Variants in BAZ1A observed in about 807,000 individuals in gnomAD.
BAZ1A encodes bromodomain adjacent to zinc finger domain 1A, also known as bromodomain adjacent to zinc finger domain protein 1A.
In BAZ1A, 50 loss-of-function variants were observed where a neutral mutation model predicts 185.2. The observed-to-expected ratio is 0.27, with a 90% CI of 0.22 to 0.34. The LOEUF (loss-of-function observed/expected upper bound fraction) is 0.34. Among genes scored for constraint, BAZ1A ranks in the 10% least tolerant of loss-of-function variants. The pLI is 1.00. For synonymous variants in BAZ1A, 571 were observed against 615.6 expected (o/e 0.93, Z 1.07); for missense variants, 1,356 against 1,839.9 (o/e 0.74, Z 4.81).
chr14:34,807,782 T>C (rs59697954), intron 5 of BAZ1A, among the ~76,000 whole-genome samples: 1 of 152,150 alleles, frequency 6.6e-6, no homozygotes, highest in Non-Finnish European at 1.5e-5. Flanking sequence ...AACAGCAATA[T>C]GCATTTGTTG....
At chr14:34,871,063 A>T (rs1208818558) in intron 2 of BAZ1A, among the ~76,000 whole-genome samples, 1 of 151,540 alleles carries the variant, frequency 6.6e-6, no homozygotes, top group Non-Finnish European at 1.5e-5. Flanking sequence ...CTACATGGCT[A>T]AAAAAAAAGT....
At position 34,795,732 on chromosome 14, in the gene BAZ1A, A is replaced by G; in HGVS notation, c.1162T>C (p.Tyr388His). The change falls in exon 10 of 27, where the codon TAT becomes CAT. Residue 388 changes from tyrosine (Y) to histidine (H), a missense_variant. Tyr to His is a moderately conservative substitution (Grantham distance 83, BLOSUM62 2). Coordinates refer to ENST00000360310, the MANE Select transcript of BAZ1A (RefSeq NM_013448.3). ...CTCCACTGTTTTAAGTATTCCACATACTTTCGCTTTTCTTCACGTAACTTC... is the reference window on the plus strand; with the variant it reads ...CTCCACTGTTTTAAGTATTCCACATGCTTTCGCTTTTCTTCACGTAACTTC... ...REKLREEKRK[Y>H]VEYLKQWSKP... The G allele has an allele frequency of 6.2e-7, 1 of 1,613,136 alleles. No homozygotes were observed. Among genetic ancestry groups the G allele is most frequent in the Non-Finnish European group, 8.5e-7 (1 of 1,179,792 alleles).
At chr14:34,850,551 T>A (rs2042581226) in intron 3 of BAZ1A, among the ~76,000 whole-genome samples, 1 of 152,202 alleles carries the variant, frequency 6.6e-6, no homozygotes, top group African/African-American at 2.4e-5. Context: ...TACTTTCCTA[T>A]CCAGTTTTAG....
intron 23 of BAZ1A, among the ~76,000 whole-genome samples, chr14:34,763,985 A>G (rs935864419): frequency 2.0e-5 from 3 of 152,106 alleles, no homozygotes; most frequent in African/African-American, 7.2e-5. Context: ...TCGGCCCTCA[A>G]CCGGAGGTTC....
At chr14:34,866,960 T>TAAA (rs1348920522) in intron 2 of BAZ1A, among the ~76,000 whole-genome samples, 1 of 74,202 alleles carries the variant, frequency 1.3e-5, no homozygotes, top group African/African-American at 3.8e-5. Context: ...ACATTCTTCT[T>TAAA]TAAAAAAAAA....
intron 16 of BAZ1A, among the ~76,000 whole-genome samples, chr14:34,780,545 G>T (rs1263076436): frequency 6.6e-6 from 1 of 152,154 alleles, no homozygotes; most frequent in African/African-American, 2.4e-5. Flanking sequence ...CAAGGAGAAT[G>T]AAACTGACTC....
intron 11 of BAZ1A, among the ~76,000 whole-genome samples, chr14:34,793,422 A>G (rs539559287): frequency 6.6e-6 from 1 of 152,226 alleles, no homozygotes; most frequent in African/African-American, 2.4e-5. Context: ...TCCTTGATCT[A>G]TAAGACACAA....
intron 3 of BAZ1A, chr14:34,828,866 A>G (rs929280011): frequency 1.3e-5 from 2 of 152,254 alleles, no homozygotes; most frequent in African/African-American, 4.8e-5. Context: ...AAGAACAAAA[A>G]CAATCCAATT....
At chr14:34,855,101 A>C (rs1352884829) in intron 3 of BAZ1A, among the ~76,000 whole-genome samples, 1 of 152,114 alleles carries the variant, frequency 6.6e-6, no homozygotes, top group Non-Finnish European at 1.5e-5. Context: ...TAATAATATA[A>C]TAATACCAAG....
intron 24 of BAZ1A, among the ~76,000 whole-genome samples, chr14:34,761,467 A>G (rs922517373): frequency 7.9e-5 from 12 of 152,230 alleles, no homozygotes; most frequent in African/African-American, 2.7e-4. Flanking sequence ...GAAATGTGTT[A>G]TAATGTAGTA....
intron 2 of BAZ1A, 79 bp from the exon 3 acceptor site, chr14:34,862,401 A>G: frequency 6.7e-7 from 1 of 1,492,004 alleles, no homozygotes; most frequent in Non-Finnish European, 8.9e-7. Flanking sequence ...TGATAGCATT[A>G]TCAGGTTATT....
chr14:34,788,001 A>G (rs904211568), intron 12 of BAZ1A, among the ~76,000 whole-genome samples: 3 of 151,642 alleles, frequency 2.0e-5, no homozygotes, highest in Non-Finnish European at 4.4e-5. Flanking sequence ...GAGACAAGTC[A>G]CTTAATCTGG....
chr14:34,814,223 T>C (rs1036467300), intron 4 of BAZ1A, among the ~76,000 whole-genome samples: 1 of 147,138 alleles, frequency 6.8e-6, no homozygotes, highest in African/African-American at 2.5e-5. Context: ...TAAGTTGTAC[T>C]TAAAATTATT....
chr14:34,825,741 C>T (rs1428651652), intron 4 of BAZ1A, among the ~76,000 whole-genome samples: 4 of 152,040 alleles, frequency 2.6e-5, no homozygotes, highest in African/African-American at 9.7e-5. Context: ...AGTTTGAGAC[C>T]AGCCTGGCCA....
At chr14:34,839,410 G>C (rs2042377620) in intron 3 of BAZ1A, among the ~76,000 whole-genome samples, 1 of 151,930 alleles carries the variant, frequency 6.6e-6, no homozygotes, top group Non-Finnish European at 1.5e-5. Flanking sequence ...ATGGTAGTGT[G>C]TGCCTGTAGT....
intron 12 of BAZ1A, among the ~76,000 whole-genome samples, chr14:34,788,704 C>A (rs1455816464): frequency 6.6e-6 from 1 of 152,064 alleles, no homozygotes; most frequent in African/African-American, 2.4e-5. Context: ...ATAAAAGATG[C>A]TCCTCCTAAA....
At position 34,754,894 on chromosome 14, in the gene BAZ1A, G is replaced by A; in HGVS notation, c.4407C>T (p.Ile1469=). ...SKIQVPDYYD[I]IKKPIALNII... ...TATTTAAGGCAATGGGCTTTTTGATGATGTCATAGTAGTCTGGGACCTGTA... is the reference window on the plus strand; with the variant it reads ...TATTTAAGGCAATGGGCTTTTTGATAATGTCATAGTAGTCTGGGACCTGTA... Residue 1469 remains isoleucine, a synonymous_variant, in exon 26 of 27, where the codon ATC becomes ATT. Transcript: ENST00000360310. 1 of 1,604,800 alleles carries A rather than the reference G, an allele frequency of 6.2e-7. No homozygotes were observed. Among genetic ancestry groups the A allele is most frequent in the Non-Finnish European group, 8.5e-7 (1 of 1,175,500 alleles).
Position 34,874,570 on chromosome 14 carries a change from T to G in BAZ1A, c.35A>C (p.Gln12Pro), listed in dbSNP as rs1475558972. Reference protein sequence around the residue: ...PLLHRKPFVRQKPPADLRPDE... With the variant: ...PLLHRKPFVRPKPPADLRPDE... Reference sequence around the variant, plus strand: ...GGGCCGCAGGTCCGCGGGCGGCTTCTGTCTCACAAACGGCTTTCGGTGTAG... The same window carrying G: ...GGGCCGCAGGTCCGCGGGCGGCTTCGGTCTCACAAACGGCTTTCGGTGTAG... Residue 12 changes from glutamine (Q) to proline (P), a missense_variant, in exon 2 of 27, where the codon CAG becomes CCG. Transcript: ENST00000360310. This position sits in a 1 kb window ranked among gnomAD's most constrained non-coding sequence, Gnocchi z 4.7. The G allele has an allele frequency of 1.2e-6, 2 of 1,610,700 alleles. No homozygotes were observed. Among genetic ancestry groups the G allele is most frequent in the African/African-American group, 2.7e-5 (2 of 74,278 alleles).
intron 12 of BAZ1A, among the ~76,000 whole-genome samples, chr14:34,790,940 T>G (rs1305146413): frequency 2.6e-5 from 4 of 152,044 alleles, no homozygotes; most frequent in Admixed American, 1.3e-4. Flanking sequence ...CTCACCAACA[T>G]GGAGAAACCC....
Sources: allele counts gnomAD v4.1 joint callset (sites outside exome capture counted in the v4.1 genomes callset), GRCh38; gene constraint gnomAD v4.1.1; non-coding constraint Gnocchi (gnomAD v3.1); transcripts MANE v1.5; gene names NCBI Gene and HGNC (gene_info 2026-07-23, HGNC 2026-07-21).